The following PPP6R2 variants were observed in gnomAD, a reference collection of about 807,000 sequenced individuals.
PPP6R2 encodes the protein serine/threonine-protein phosphatase 6 regulatory subunit 2.
PPP6R2 carries 62 observed loss-of-function variants against 100.2 expected under a neutral mutation model. That is an observed-to-expected ratio of 0.62 (90% CI 0.50 to 0.76). PPP6R2 has a LOEUF of 0.76. PPP6R2 is among the 30% of genes least tolerant of loss of function. The pLI is 0.00. For missense variants in PPP6R2, 1,142 were observed against 1,276.3 expected, an observed-to-expected ratio of 0.89 and a Z score of 1.60; for synonymous variants, 525 against 514.7, an observed-to-expected ratio of 1.02 and a Z score of -0.27.
chr22:50,441,593 C>T (rs1477179820), intron 22 of PPP6R2, among the ~76,000 whole-genome samples: 1 of 152,208 alleles, frequency 6.6e-6, no homozygotes, highest in Non-Finnish European at 1.5e-5. Flanking sequence ...CAGGACTGCA[C>T]TGGGGGCATC....
intron 3 of PPP6R2, among the ~76,000 whole-genome samples, chr22:50,403,259 G>C (rs985778107): frequency 2.6e-5 from 4 of 152,162 alleles, no homozygotes; most frequent in African/African-American, 9.7e-5. Context: ...CTTCTTCAAG[G>C]AATGATTTGG....
chr22:50,395,628 T>C (rs2056627111), intron 3 of PPP6R2, among the ~76,000 whole-genome samples: 1 of 152,188 alleles, frequency 6.6e-6, no homozygotes, highest in African/African-American at 2.4e-5. Context: ...TGGCATGATC[T>C]CGGCTCACTA....
Position 50,422,245 on chromosome 22 carries a change from C to G in PPP6R2, c.846-9C>G. 2 of 1,612,106 alleles carry G rather than the reference C, an allele frequency of 1.2e-6. No homozygotes were observed. Among genetic ancestry groups the G allele is most frequent in the Non-Finnish European group, 1.7e-6 (2 of 1,178,594 alleles). ...GTCCCCGGTCTCCATCTGCTTTCCTCATCCACAGGACAGAGGGCTTGGTGG... is the reference window on the plus strand; with the variant it reads ...GTCCCCGGTCTCCATCTGCTTTCCTGATCCACAGGACAGAGGGCTTGGTGG... On this transcript the variant is annotated splice_polypyrimidine_tract_variant and intron_variant, in intron 8 of 23. Coordinates refer to ENST00000612753, the MANE Select transcript of PPP6R2 (RefSeq NM_001242898.2).
intron 1 of PPP6R2, among the ~76,000 whole-genome samples, chr22:50,367,360 C>T (rs1333944619): frequency 1.3e-5 from 2 of 152,038 alleles, no homozygotes; most frequent in South Asian, 2.1e-4. Context: ...GATAAGAAAG[C>T]GATTGAAGTC....
chr22:50,444,189 A>C lies in PPP6R2; in HGVS notation c.2832-10A>C, dbSNP rs779492786. On this transcript the variant is annotated splice_polypyrimidine_tract_variant and intron_variant, in intron 23 of 23. Coordinates refer to ENST00000612753, the MANE Select transcript of PPP6R2 (RefSeq NM_001242898.2). ...GCCCGCACGGTTCCAACCCCACCCC[A>C]TTCCTGCAGGAAGACAGATGCCCCG... is the stretch of plus-strand genomic sequence containing the variant. 5.0e-6 allele frequency: 8 copies of C among 1,612,756 alleles called. No homozygotes were observed. The highest frequency in any genetic ancestry group is 6.8e-6 in the Non-Finnish European group (8 of 1,179,654).
At chr22:50,353,029 A>G (rs1204821092) in intron 1 of PPP6R2, among the ~76,000 whole-genome samples, 2 of 152,210 alleles carry the variant, frequency 1.3e-5, no homozygotes, top group African/African-American at 2.4e-5. Context: ...GTGCCACTAC[A>G]TTCCAGCCTG....
intron 1 of PPP6R2, among the ~76,000 whole-genome samples, chr22:50,347,522 A>T (rs2044064314): frequency 6.7e-6 from 1 of 150,170 alleles, no homozygotes; most frequent in Non-Finnish European, 1.5e-5. Flanking sequence ...TCCCCCATGC[A>T]CCGTACTGTC....
At chr22:50,422,513 C>A (rs998697672) in intron 9 of PPP6R2, 133 bp downstream of exon 9, 4 of 1,216,908 alleles carry the variant, frequency 3.3e-6, no homozygotes, top group South Asian at 1.6e-5. Flanking sequence ...CGGCCATTCC[C>A]ACACCCCCAC....
At chr22:50,358,994 C>G (rs2077710782) in intron 1 of PPP6R2, among the ~76,000 whole-genome samples, 1 of 35,996 alleles carries the variant, frequency 2.8e-5, no homozygotes, top group South Asian at 1.8e-3. Flanking sequence ...AGAACCGCCC[C>G]CCCCCCCCCC....
At chr22:50,412,853 C>G (rs2059955761) in intron 4 of PPP6R2, among the ~76,000 whole-genome samples, 1 of 151,024 alleles carries the variant, frequency 6.6e-6, no homozygotes, top group Admixed American at 6.6e-5. Context: ...CCATGTTAGC[C>G]AGGATGGTCT....
intron 2 of PPP6R2, chr22:50,393,284 G>A (rs537115625): frequency 1.1e-5 from 6 of 567,760 alleles, no homozygotes; most frequent in East Asian, 1.4e-4. Context: ...AGATGGGGAC[G>A]ATGAGTGGAT....
chr22:50,402,896 A>G (rs2058278598), intron 3 of PPP6R2, among the ~76,000 whole-genome samples: 1 of 152,234 alleles, frequency 6.6e-6, no homozygotes, highest in Non-Finnish European at 1.5e-5. Flanking sequence ...CCATGTGTGC[A>G]CACGTTTGTC....
rs534567300 is a variant in PPP6R2 at position 50,412,936 on chromosome 22, C to G, written c.415-1616C>G. The stretch of plus-strand genomic sequence containing the variant: ...TTGGGATTACAGGTGTGAGCCACTG[C>G]GCCTGGCCTAGATAAGTCCTTTTTT... On this transcript the variant is annotated intron_variant, in intron 4 of 23. Transcript: ENST00000612753. 2.0e-5 allele frequency among the ~76,000 whole-genome samples: 3 copies of G among 149,912 alleles called. No homozygotes were observed. In the East Asian group the frequency reaches 5.9e-4, roughly 29 times the overall value.
Position 50,444,338 on chromosome 22 carries a change from T to TTTAA in PPP6R2, c.*94_*97dup, listed in dbSNP as rs1280618151. 3 of 1,380,268 alleles carry TTTAA rather than the reference T, an allele frequency of 2.2e-6. No homozygotes were observed. In the East Asian group the frequency reaches 7.6e-5, roughly 35 times the overall value. 85.5% of individuals were successfully genotyped at this position (1,380,268 alleles called of 1,614,324 possible). Reference sequence around the variant, plus strand: ...GTGATGCAATCTTTTTTTTTTTTAATTTAATTTAATTTTAAAATAAATGCT... The same window carrying TTTAA: ...GTGATGCAATCTTTTTTTTTTTTAATTTAATTAATTTAATTTTAAAATAAATGCT... On this transcript the variant is annotated 3_prime_UTR_variant, in exon 24 of 24. Transcript: ENST00000612753.
At chr22:50,407,113 G>A (rs528285921) in intron 4 of PPP6R2, among the ~76,000 whole-genome samples, 4 of 152,238 alleles carry the variant, frequency 2.6e-5, no homozygotes, top group South Asian at 2.1e-4. Context: ...TTGGGAGGCC[G>A]AGCTGGGCAG....
rs749970014 is a variant in PPP6R2 at position 50,444,541 on chromosome 22, T to TGGGGG, written c.*298_*302dup. Reference sequence around the variant, plus strand: ...GCAGGAGCCGGGGTGGGGGTGGGGGTGGGGGGGGCAGGACCCTGAGATGCC... The same window carrying TGGGGG: ...GCAGGAGCCGGGGTGGGGGTGGGGGTGGGGGGGGGGGGGCAGGACCCTGAGATGCC... On this transcript the variant is annotated 3_prime_UTR_variant, in exon 24 of 24. Coordinates refer to ENST00000612753, the MANE Select transcript of PPP6R2 (RefSeq NM_001242898.2). 15 of 73,122 alleles carry TGGGGG rather than the reference T, an allele frequency of 2.1e-4. No individual in the cohort carries two copies. Among genetic ancestry groups the TGGGGG allele is most frequent in the Non-Finnish European group, 3.9e-4 (13 of 33,628 alleles). The allele number at this position is 73,122 out of a possible 1,614,324, so 4.5% of individuals were successfully genotyped here.
intron 22 of PPP6R2, 34 bp from the exon 23 acceptor site, chr22:50,443,832 G>A (rs554621426): frequency 1.9e-6 from 3 of 1,543,308 alleles, no homozygotes; most frequent in Admixed American, 1.9e-5. Context: ...GAGGGTGGGG[G>A]TGCCCGTAAC....
At chr22:50,349,386 G>A (rs1346510894) in intron 1 of PPP6R2, among the ~76,000 whole-genome samples, 3 of 136,278 alleles carry the variant, frequency 2.2e-5, no homozygotes, top group Non-Finnish European at 4.7e-5. Context: ...AAAAAAAAAC[G>A]GGCTGGACGT....
intron 1 of PPP6R2, among the ~76,000 whole-genome samples, chr22:50,347,972 C>G (rs1345500067): frequency 1.3e-5 from 2 of 152,154 alleles, no homozygotes; most frequent in Non-Finnish European, 2.9e-5. Context: ...TAACTCACTT[C>G]AGTTAATCTT....
Sources: gnomAD v4.1 joint callset for allele counts (sites outside exome capture counted in the v4.1 genomes callset) on GRCh38, gnomAD v4.1.1 for gene constraint, MANE v1.5 for transcripts, NCBI Gene and HGNC (gene_info 2026-07-23, HGNC 2026-07-21) for gene names.